Variants in CIT observed in about 807,000 individuals in gnomAD.
CIT encodes citron rho-interacting serine/threonine kinase, also known as citron Rho-interacting kinase.
CIT carries 79 observed loss-of-function variants against 272.7 expected under a neutral mutation model. The observed-to-expected ratio is 0.29, with a 90% CI of 0.24 to 0.35. CIT has a LOEUF of 0.35. Among genes scored for constraint, CIT ranks in the 10% least tolerant of loss-of-function variants. The pLI, the probability that CIT is intolerant of heterozygous loss-of-function variation, is 1.00. For missense variants in CIT, 1,909 were observed against 2,618.3 expected, an observed-to-expected ratio of 0.73 and a Z score of 5.91; for synonymous variants, 948 against 995.6, an observed-to-expected ratio of 0.95 and a Z score of 0.90.
intron 9 of CIT, among the ~76,000 whole-genome samples, chr12:119,817,461 G>A (rs187670257): frequency 3.3e-5 from 5 of 151,982 alleles, no homozygotes; most frequent in Non-Finnish European, 4.4e-5. Context: ...GCAGTGAGCC[G>A]AGATCACGCC....
intron 16 of CIT, 54 bp from the exon 17 acceptor site, chr12:119,772,964 G>T: frequency 1.4e-6 from 2 of 1,472,818 alleles, no homozygotes. Flanking sequence ...CATATAAAAA[G>T]ATGGTGACAG....
In CIT at chr12:119,712,114, A is replaced by C; in HGVS notation, c.4854+64T>G. ...AATGGCCAATGGGATTCTCGTCGTT[A>C]ACACCAGTTACCAAGTCAGCCCCCT... On this transcript the variant is annotated intron_variant, in intron 37 of 47. Transcript: ENST00000392521. The surrounding 1 kb of genome is among the most constrained non-coding windows in gnomAD (Gnocchi z 5.2). The C allele has an allele frequency of 6.8e-7, 1 of 1,477,538 alleles. No homozygotes were observed. Among genetic ancestry groups the C allele is most frequent in the Non-Finnish European group, 9.1e-7 (1 of 1,095,102 alleles). 91.5% of individuals were successfully genotyped at this position (1,477,538 alleles called of 1,614,324 possible).
intron 22 of CIT, among the ~76,000 whole-genome samples, chr12:119,754,077 T>C (rs1960629079): frequency 6.6e-6 from 1 of 152,164 alleles, no homozygotes; most frequent in East Asian, 1.9e-4. Flanking sequence ...GACGACGATG[T>C]CACAGCAGCA....
At position 119,825,150 on chromosome 12, in the gene CIT, C is replaced by T; in HGVS notation, c.957+15G>A. 6.2e-7 allele frequency: 1 copy of T among 1,608,528 alleles called. No homozygotes were observed. Among genetic ancestry groups the T allele is most frequent in the Non-Finnish European group, 8.5e-7 (1 of 1,176,214 alleles). On this transcript the variant is annotated intron_variant, in intron 8 of 47. Coordinates refer to ENST00000392521, the MANE Select transcript of CIT (RefSeq NM_001206999.2). ...TTTCTCAATGTGACTTCGAAATCTT[C>T]TAAGGACTCTTTACCTGGAAATTCA...
At chr12:119,730,692 G>T (rs1958388908) in intron 26 of CIT, 62 bp from the exon 27 acceptor site, 2 of 1,570,852 alleles carry the variant, frequency 1.3e-6, no homozygotes, top group African/African-American at 1.3e-5. Flanking sequence ...CGGAAAGAAG[G>T]CTGGTCCGTC....
chr12:119,731,402 GGAGGCA>G (rs537501204), intron 26 of CIT, among the ~76,000 whole-genome samples: 1,746 of 150,994 alleles, frequency 0.012, 35 homozygotes, highest in African/African-American at 0.04. Context: ...CTTGAACTCG[GGAGGCA>G]GAGTTGCAGT....
rs758752899 is a variant in CIT at position 119,825,174 on chromosome 12, CATA to C, written c.945_947del (p.Ile315del). The C allele has an allele frequency of 7.4e-6, 12 of 1,612,724 alleles. No individual in the cohort carries two copies. The highest frequency in any genetic ancestry group is 9.3e-6 in the Non-Finnish European group (11 of 1,179,440). The stretch of plus-strand genomic sequence containing the variant: ...TCTAAGGACTCTTTACCTGGAAATT[CATA>C]ATGTTATTGAAGGTTCTGGCAGAGG... On this transcript the variant is annotated inframe_deletion, in exon 8 of 48. Coordinates refer to ENST00000392521, the MANE Select transcript of CIT (RefSeq NM_001206999.2).
At chr12:119,772,686 C>T in intron 17 of CIT, 84 bp downstream of exon 17, 1 of 1,406,568 alleles carries the variant, frequency 7.1e-7, no homozygotes, top group Non-Finnish European at 9.4e-7. Context: ...CAAACATAAG[C>T]AAGTGATGGT....
Position 119,804,700 on chromosome 12 carries a change from T to C in CIT, c.1112-1311A>G, listed in dbSNP as rs1966492637. 6.6e-6 allele frequency among the ~76,000 whole-genome samples: 1 copy of C among 152,114 alleles called. No individual in the cohort carries two copies. The highest frequency in any genetic ancestry group is 2.4e-5 in the African/African-American group (1 of 41,398). Reference sequence around the variant, plus strand: ...CCAAAGTTCCCCGATGACAACAACATCCAAGTGGCGCTGGGAAGTAATTGG... The same window carrying C: ...CCAAAGTTCCCCGATGACAACAACACCCAAGTGGCGCTGGGAAGTAATTGG... On this transcript the variant is annotated intron_variant, in intron 9 of 47. Coordinates refer to ENST00000392521, the MANE Select transcript of CIT (RefSeq NM_001206999.2). This position sits in a 1 kb window ranked among gnomAD's most constrained non-coding sequence, Gnocchi z 5.3.
At position 119,697,759 on chromosome 12, in the gene CIT, C is replaced by A. The variant is rs1170752245; in HGVS notation, c.5782G>T (p.Ala1928Ser). The A allele has an allele frequency of 6.2e-7, 1 of 1,614,004 alleles. No homozygotes were observed. Among genetic ancestry groups the A allele is most frequent in the Non-Finnish European group, 8.5e-7 (1 of 1,180,048 alleles). ...CTTAATTTATCCTGGTATGAGGACG[C>A]CAAGTAAATCGCTCCTGAGGAAATG... Reference protein sequence around the residue: ...PAISSGAIYLASSYQDKLRVI... With the variant: ...PAISSGAIYLSSSYQDKLRVI... Residue 1928 changes from alanine to serine, a missense_variant, in exon 46 of 48, where the codon GCG (alanine) becomes TCG (serine). Physicochemically the swap from Ala to Ser is moderately conservative, Grantham distance 99. Coordinates refer to ENST00000392521, the MANE Select transcript of CIT (RefSeq NM_001206999.2). This position sits in a 1 kb window ranked among gnomAD's most constrained non-coding sequence, Gnocchi z 4.9.
chr12:119,825,069 G>C, intron 8 of CIT, 96 bp downstream of exon 8: 1 of 1,073,156 alleles, frequency 9.3e-7, no homozygotes. Flanking sequence ...CAAAGTGCCG[G>C]GATTACAGGC....
At chr12:119,783,188 G>A (rs1593727011) in intron 12 of CIT, 1 of 152,258 alleles carries the variant, frequency 6.6e-6, no homozygotes, top group Non-Finnish European at 1.5e-5. Flanking sequence ...ATACATAGCT[G>A]AATAACTTCA....
intron 3 of CIT, among the ~76,000 whole-genome samples, chr12:119,864,631 GC>G (rs1348946552): frequency 5.3e-5 from 8 of 152,178 alleles, no homozygotes; most frequent in Admixed American, 3.9e-4. Context: ...ACTGCACCTG[GC>G]CTCTGTGCAA....
At chr12:119,756,105 CAG>C (rs1323740385) in intron 22 of CIT, among the ~76,000 whole-genome samples, 3 of 152,140 alleles carry the variant, frequency 2.0e-5, no homozygotes, top group Non-Finnish European at 4.4e-5. Context: ...TGAAGCCCAG[CAG>C]AGAGATGAGG....
rs557478417 is a variant in CIT at position 119,745,064 on chromosome 12, A to T, written c.2905-2600T>A. ...AAATATTTCAAGAAATAATGGCCACAAATTTTCCAAAGTTGATGAAAGCCA... is the reference window on the plus strand; with the variant it reads ...AAATATTTCAAGAAATAATGGCCACTAATTTTCCAAAGTTGATGAAAGCCA... On this transcript the variant is annotated intron_variant, in intron 23 of 47. Coordinates refer to ENST00000392521, the MANE Select transcript of CIT (RefSeq NM_001206999.2). 3.3e-5 allele frequency among the ~76,000 whole-genome samples: 5 copies of T among 152,192 alleles called. No individual in the cohort carries two copies. The East Asian group carries it at 9.6e-4, about 29-fold the overall frequency.
At position 119,718,440 on chromosome 12, in the gene CIT, T is replaced by G; in HGVS notation, c.4004-31A>C. On this transcript the variant is annotated intron_variant, in intron 31 of 47. Transcript: ENST00000392521. This position sits in a 1 kb window ranked among gnomAD's most constrained non-coding sequence, Gnocchi z 4.8. ...GAGAGACCAGGACAATGCCTTTTGG[T>G]TAGCTGGGTCGCCTAGAGGACCAAA... 1 of 1,583,574 alleles carries G rather than the reference T, an allele frequency of 6.3e-7. No homozygotes were observed. Among genetic ancestry groups the G allele is most frequent in the Non-Finnish European group, 8.6e-7 (1 of 1,162,002 alleles).
At position 119,770,951 on chromosome 12, in the gene CIT, C is replaced by A. The variant is rs1251023394; in HGVS notation, c.2083-41G>T. 6.2e-7 allele frequency: 1 copy of A among 1,609,440 alleles called. No homozygotes were observed. Among genetic ancestry groups the A allele is most frequent in the South Asian group, 1.1e-5 (1 of 90,460 alleles). On this transcript the variant is annotated intron_variant, in intron 17 of 47. Transcript: ENST00000392521. The surrounding 1 kb of genome is among the most constrained non-coding windows in gnomAD (Gnocchi z 4.4). Reference sequence around the variant, plus strand: ...CAATCAGAGAGTTTTAATGGAGTAACCGCTATGGGCATAACACCTGCACCG... The same window carrying A: ...CAATCAGAGAGTTTTAATGGAGTAAACGCTATGGGCATAACACCTGCACCG...
intron 32 of CIT, among the ~76,000 whole-genome samples, chr12:119,715,662 T>G (rs1957423911): frequency 6.6e-6 from 1 of 152,182 alleles, no homozygotes; most frequent in Non-Finnish European, 1.5e-5. Context: ...GACTGAATTG[T>G]ACATTTTTAA....
At chr12:119,812,660 GC>G (rs1297726284) in intron 9 of CIT, among the ~76,000 whole-genome samples, 2 of 151,632 alleles carry the variant, frequency 1.3e-5, no homozygotes, top group African/African-American at 2.4e-5. Context: ...TGTTGCCCAG[GC>G]TAGTCTCAAA....
Sources: gnomAD v4.1 joint callset for allele counts (sites outside exome capture counted in the v4.1 genomes callset) on GRCh38, gnomAD v4.1.1 for gene constraint, Gnocchi (gnomAD v3.1) non-coding constraint, MANE v1.5 for transcripts, NCBI Gene and HGNC (gene_info 2026-07-23, HGNC 2026-07-21) for gene names.